The following AGAP1 variants were observed in gnomAD, a reference collection of about 807,000 sequenced individuals.
AGAP1 encodes ArfGAP with GTPase domain, ankyrin repeat and PH domain 1, also known as arf-GAP with GTPase, ANK repeat and PH domain-containing protein 1.
In AGAP1, 29 loss-of-function variants were observed where a neutral mutation model predicts 105.3. The observed-to-expected ratio is 0.28, with a 90% confidence interval of 0.21 to 0.38. The LOEUF is 0.38. Among genes scored for constraint, AGAP1 ranks in the 10% least tolerant of loss-of-function variants. The probability of loss-of-function intolerance (pLI) is 1.00; values close to 1 mark genes in which losing one functional copy is unlikely to be tolerated. For synonymous variants in AGAP1, 509 were observed against 485.9 expected (o/e 1.05, Z -0.63); for missense variants, 998 against 1,165.1 (o/e 0.86, Z 2.09).
At chr2:236,106,868 CAG>C (rs1489415818) in intron 16 of AGAP1, among the ~76,000 whole-genome samples, 1 of 152,184 alleles carries the variant, frequency 6.6e-6, no homozygotes, top group African/African-American at 2.4e-5. Flanking sequence ...CTGCATATCA[CAG>C]AGTGTGCTGG....
intron 12 of AGAP1, among the ~76,000 whole-genome samples, chr2:235,932,065 CGAT>C (rs2052749183): frequency 6.6e-6 from 1 of 152,210 alleles, no homozygotes. Context: ...TCTGGAATCA[CGAT>C]GATAACCCTG....
chr2:235,721,361 T>G lies in AGAP1; in HGVS notation c.310+3717T>G, dbSNP rs986153253. 1.3e-5 allele frequency among the ~76,000 whole-genome samples: 2 copies of G among 152,154 alleles called. No individual in the cohort carries two copies. Among genetic ancestry groups the G allele is most frequent in the Non-Finnish European group, 2.9e-5 (2 of 68,020 alleles). On this transcript the variant is annotated intron_variant, in intron 3 of 17. Transcript: ENST00000304032. The surrounding 1 kb of genome is among the most constrained non-coding windows in gnomAD (Gnocchi z 4.5). ...TCAAATGAGGGAAGGATATAAATAT[T>G]CTGTTTTTCAATTAGTGAATTAACA...
chr2:235,952,102 C>G (rs1272561724), intron 12 of AGAP1, among the ~76,000 whole-genome samples: 3 of 152,156 alleles, frequency 2.0e-5, no homozygotes, highest in Non-Finnish European at 2.9e-5. Flanking sequence ...CACAGATAAC[C>G]TCATGTTTCA....
At chr2:235,590,684 T>TGTGC (rs1424245324) in intron 1 of AGAP1, among the ~76,000 whole-genome samples, 9 of 102,726 alleles carry the variant, frequency 8.8e-5, no homozygotes, top group South Asian at 3.3e-4. Context: ...TGTGTGTGTG[T>TGTGC]GCGTGTGCGT....
At chr2:235,913,792 T>TA (rs1307827422) in intron 11 of AGAP1, among the ~76,000 whole-genome samples, 1 of 152,220 alleles carries the variant, frequency 6.6e-6, no homozygotes, top group Admixed American at 6.5e-5. Context: ...GAGGCTGTGA[T>TA]ACGGGCACGT....
chr2:236,025,604 A>G (rs779477928), intron 13 of AGAP1, among the ~76,000 whole-genome samples: 49 of 152,234 alleles, frequency 3.2e-4, no homozygotes, highest in Admixed American at 5.2e-4. Context: ...CACGGATTAA[A>G]CACGGATTAA....
intron 12 of AGAP1, among the ~76,000 whole-genome samples, chr2:235,937,236 G>A (rs1032409844): frequency 6.6e-6 from 1 of 152,142 alleles, no homozygotes; most frequent in African/African-American, 2.4e-5. Context: ...TGCTCGGCTC[G>A]CCAGGCTGGC....
In AGAP1 at chr2:235,905,148, T is replaced by C. The variant is rs1575743952; in HGVS notation, c.1156-3590T>C. Among the ~76,000 whole-genome samples the C allele has an allele frequency of 6.6e-6, 1 of 152,294 alleles. No individual in the cohort carries two copies. The highest frequency in any genetic ancestry group is 2.1e-4 in the South Asian group (1 of 4,828). ...AATTTTAAATAAAATATCGTGGTTA[T>C]TGTATGTTAAAACATGCCTATTAAA... On this transcript the variant is annotated intron_variant, in intron 10 of 17. Transcript: ENST00000304032. This position sits in a 1 kb window ranked among gnomAD's most constrained non-coding sequence, Gnocchi z 4.2.
chr2:235,989,113 T>G lies in AGAP1; in HGVS notation c.1645+20490T>G, dbSNP rs1207954898. Among the ~76,000 whole-genome samples the G allele has an allele frequency of 6.6e-6, 1 of 152,182 alleles. No homozygotes were observed. The highest frequency in any genetic ancestry group is 1.5e-5 in the Non-Finnish European group (1 of 68,034). On this transcript the variant is annotated intron_variant, in intron 13 of 17. Coordinates refer to ENST00000304032, the MANE Select transcript of AGAP1 (RefSeq NM_001037131.3). The surrounding 1 kb of genome is among the most constrained non-coding windows in gnomAD (Gnocchi z 4.4). Reference sequence around the variant, plus strand: ...TTCAAATAATAATGTGAGATGAAGATGATGATGATGGTTGTTGTTATTTAA... The same window carrying G: ...TTCAAATAATAATGTGAGATGAAGAGGATGATGATGGTTGTTGTTATTTAA...
At chr2:236,024,758 G>A (rs1445868367) in intron 13 of AGAP1, among the ~76,000 whole-genome samples, 2 of 152,234 alleles carry the variant, frequency 1.3e-5, no homozygotes, top group Non-Finnish European at 2.9e-5. Flanking sequence ...GCCCCATGGG[G>A]CCTTGTCTGC....
rs1452648468 is a variant in AGAP1, at chr2:235,739,500, C to CGTAG, written c.311-1461_311-1460insAGGT. Among the ~76,000 whole-genome samples, 1 of 152,206 alleles carries CGTAG rather than the reference C, an allele frequency of 6.6e-6. No homozygotes were observed. Among genetic ancestry groups the CGTAG allele is most frequent in the Non-Finnish European group, 1.5e-5 (1 of 68,040 alleles). On this transcript the variant is annotated intron_variant, in intron 3 of 17. Transcript: ENST00000304032. This position sits in a 1 kb window ranked among gnomAD's most constrained non-coding sequence, Gnocchi z 5.3. Reference sequence around the variant, plus strand: ...CCTGACCATTTCCAGTGGGCCCTACCGTCTTGTTTCAGTGACTGGGGGGAC... The same window carrying CGTAG: ...CCTGACCATTTCCAGTGGGCCCTACCGTAGGTCTTGTTTCAGTGACTGGGGGGAC...
intron 1 of AGAP1, among the ~76,000 whole-genome samples, chr2:235,568,263 G>A (rs1016531271): frequency 1.3e-5 from 2 of 152,222 alleles, no homozygotes; most frequent in African/African-American, 2.4e-5. Context: ...GGGCAAAGGC[G>A]TGCTTGCAGG....
rs1946440190 is a variant in AGAP1, at chr2:235,620,423, A to G, written c.164-88756A>G. On this transcript the variant is annotated intron_variant, in intron 1 of 17. Coordinates refer to ENST00000304032, the MANE Select transcript of AGAP1 (RefSeq NM_001037131.3). This position sits in a 1 kb window ranked among gnomAD's most constrained non-coding sequence, Gnocchi z 4.5. ...CTCCTCCTGGCCCTCGCCTTCTGCC[A>G]CTCTCCCCTTGCTCATGGCTCTGCT... Among the ~76,000 whole-genome samples the G allele has an allele frequency of 6.6e-6, 1 of 151,108 alleles. No individual in the cohort carries two copies. Among genetic ancestry groups the G allele is most frequent in the Non-Finnish European group, 1.5e-5 (1 of 67,756 alleles).
rs149177460 is a variant in AGAP1, at chr2:235,776,662, G to A, written c.674-21097G>A. The stretch of plus-strand genomic sequence containing the variant: ...AGTGGGCGTCACTCGCTCATGAGCA[G>A]CTATTCCCAGAGAGCCTCCTGTGTT... On this transcript the variant is annotated intron_variant, in intron 6 of 17. Coordinates refer to ENST00000304032, the MANE Select transcript of AGAP1 (RefSeq NM_001037131.3). 1.6e-3 allele frequency among the ~76,000 whole-genome samples: 239 copies of A among 152,312 alleles called. 1 individual carries two copies. Among genetic ancestry groups the A allele is most frequent in the African/African-American group, 5.4e-3 (226 of 41,552 alleles).
intron 1 of AGAP1, among the ~76,000 whole-genome samples, chr2:235,686,014 G>A (rs1037270043): frequency 8.5e-5 from 13 of 152,194 alleles, no homozygotes; most frequent in African/African-American, 3.1e-4. Context: ...AATCAGATAT[G>A]CACTTAGTGA....
chr2:235,978,802 C>T (rs572531930), intron 13 of AGAP1, among the ~76,000 whole-genome samples: 1 of 152,274 alleles, frequency 6.6e-6, no homozygotes, highest in African/African-American at 2.4e-5. Flanking sequence ...CCACCACTGC[C>T]CTTGAGAACT....
chr2:235,606,103 T>G (rs1433740070), intron 1 of AGAP1, among the ~76,000 whole-genome samples: 1 of 152,224 alleles, frequency 6.6e-6, no homozygotes, highest in East Asian at 1.9e-4. Flanking sequence ...GTGTTGAATA[T>G]TCATGGTTCC....
chr2:235,909,586 A>T (rs2051476849), intron 11 of AGAP1, among the ~76,000 whole-genome samples: 1 of 151,808 alleles, frequency 6.6e-6, no homozygotes, highest in Admixed American at 6.5e-5. Flanking sequence ...AGAGATAAGG[A>T]GAAGATCCTC....
In AGAP1 at chr2:235,561,335, C is replaced by T. The variant is rs140407052; in HGVS notation, c.163+66486C>T. Among the ~76,000 whole-genome samples the T allele has an allele frequency of 3.5e-3, 530 of 152,258 alleles. 5 individuals are homozygous for T. The highest frequency in any genetic ancestry group is 0.012 in the African/African-American group (493 of 41,554). Reference sequence around the variant, plus strand: ...GTAGGTCAGGAGCTGCTGGGGTCTGCGGGTAAGAACAGGAGGGCTTCCTAA... The same window carrying T: ...GTAGGTCAGGAGCTGCTGGGGTCTGTGGGTAAGAACAGGAGGGCTTCCTAA... On this transcript the variant is annotated intron_variant, in intron 1 of 17. Transcript: ENST00000304032.
Sources: allele counts gnomAD v4.1 joint callset (sites outside exome capture counted in the v4.1 genomes callset), GRCh38; gene constraint gnomAD v4.1.1; non-coding constraint Gnocchi (gnomAD v3.1); transcripts MANE v1.5; gene names NCBI Gene and HGNC (gene_info 2026-07-23, HGNC 2026-07-21).